Variants in CNTN1 observed in about 807,000 individuals in gnomAD.
The protein encoded by CNTN1 is contactin-1.
A neutral mutation model predicts 126.4 loss-of-function variants in CNTN1; 38 were observed. That is an observed-to-expected ratio of 0.30 (90% CI 0.23 to 0.39). The LOEUF (loss-of-function observed/expected upper bound fraction) is 0.39. Ranked by LOEUF, CNTN1 falls within the 10% of genes least tolerant of loss-of-function variation. The pLI is 1.00. For missense variants in CNTN1, 1,009 were observed against 1,248.4 expected (o/e 0.81, Z 2.89); for synonymous variants, 413 against 422.6 (o/e 0.98, Z 0.28).
At chr12:40,797,154 G>A (rs149930660) in intron 1 of CNTN1, among the ~76,000 whole-genome samples, 229 of 152,128 alleles carry the variant, frequency 1.5e-3, no homozygotes, top group Non-Finnish European at 2.6e-3. Flanking sequence ...AGAGATATGA[G>A]GGTAAGTGAG....
intron 1 of CNTN1, among the ~76,000 whole-genome samples, chr12:40,770,968 T>G (rs1210051412): frequency 6.6e-6 from 1 of 152,136 alleles, no homozygotes. Context: ...TGTTTCAATT[T>G]TAATTCATTG....
chr12:40,918,848 G>C (rs943483287), intron 4 of CNTN1, 77 bp downstream of exon 4: 1 of 1,544,488 alleles, frequency 6.5e-7, no homozygotes, highest in Non-Finnish European at 8.9e-7. Context: ...AACTTGTACA[G>C]ATGTAATATA....
In CNTN1 at chr12:40,959,237, AAG is replaced by A; in HGVS notation, c.1804+6_1804+7del. 2.5e-6 allele frequency: 4 copies of A among 1,612,276 alleles called. No homozygotes were observed. The South Asian group carries it at 4.4e-5, about 18-fold the overall frequency. On this transcript the variant is annotated splice_donor_5th_base_variant and intron_variant, in intron 15 of 23. Coordinates refer to ENST00000551295, the MANE Select transcript of CNTN1 (RefSeq NM_001843.4). ...TTCAGCTGACCTTGTAGTGAGAGGT[AAG>A]AGTTTCAACATTTTAAAATTACAAA...
chr12:40,947,782 T>TATACACAC (rs869205213), intron 14 of CNTN1, among the ~76,000 whole-genome samples: 14 of 118,914 alleles, frequency 1.2e-4, no homozygotes, highest in East Asian at 4.6e-4. Context: ...TATATATATA[T>TATACACAC]ACACACACAC....
intron 1 of CNTN1, among the ~76,000 whole-genome samples, chr12:40,853,773 C>G (rs1264227938): frequency 6.6e-6 from 1 of 151,800 alleles, no homozygotes; most frequent in Non-Finnish European, 1.5e-5. Context: ...AGCTCCCTCT[C>G]TAGCTCTATC....
chr12:41,000,478 A>G (rs1280161226), intron 17 of CNTN1, among the ~76,000 whole-genome samples: 1 of 152,144 alleles, frequency 6.6e-6, no homozygotes, highest in Non-Finnish European at 1.5e-5. Flanking sequence ...AATATATATT[A>G]TATCTAAAGT....
chr12:40,922,893 C>T (rs538721406), intron 5 of CNTN1, among the ~76,000 whole-genome samples: 12 of 149,264 alleles, frequency 8.0e-5, no homozygotes, highest in African/African-American at 3.0e-4. Flanking sequence ...ATTGATGGAA[C>T]CTGGGAGGCG....
At chr12:40,804,303 G>A (rs1940763410) in intron 1 of CNTN1, among the ~76,000 whole-genome samples, 2 of 151,976 alleles carry the variant, frequency 1.3e-5, no homozygotes, top group East Asian at 3.9e-4. Context: ...AACAAATGTT[G>A]ACAAGATATG....
intron 23 of CNTN1, among the ~76,000 whole-genome samples, chr12:41,051,808 G>T (rs1040690322): frequency 2.0e-5 from 3 of 151,660 alleles, no homozygotes; most frequent in African/African-American, 7.3e-5. Context: ...TGGAGAAGAT[G>T]AGATCTTGTA....
intron 16 of CNTN1, among the ~76,000 whole-genome samples, chr12:40,989,204 GAGA>G (rs1366066119): frequency 6.6e-6 from 1 of 152,278 alleles, no homozygotes; most frequent in Non-Finnish European, 1.5e-5. Flanking sequence ...AAAGAAGAAA[GAGA>G]AGAAGAGAAA....
At chr12:40,848,773 T>G (rs1447375205) in intron 1 of CNTN1, among the ~76,000 whole-genome samples, 2 of 151,770 alleles carry the variant, frequency 1.3e-5, no homozygotes, top group Non-Finnish European at 2.9e-5. Context: ...CTGTACTGAG[T>G]TATACATGAT....
Position 41,071,858 on chromosome 12 carries a change from G to A in CNTN1, c.*1823G>A, listed in dbSNP as rs536928037. ...TGTGTTTTCATTGTTACACTTTGGG[G>A]TTTTACTTTTGCAATGTGACCCATG... On this transcript the variant is annotated 3_prime_UTR_variant, in exon 24 of 24. Transcript: ENST00000551295. 2 of 152,196 alleles carry A rather than the reference G, an allele frequency of 1.3e-5. No individual in the cohort carries two copies. The highest frequency in any genetic ancestry group is 4.1e-4 in the South Asian group (2 of 4,832). The allele number at this position is 152,196 out of a possible 1,614,324, so 9.4% of individuals were successfully genotyped here. A position where few individuals can be genotyped will look rare whatever the true frequency, so the allele number is the denominator to read the frequency against.
intron 1 of CNTN1, among the ~76,000 whole-genome samples, chr12:40,735,834 G>T (rs1937651471): frequency 6.6e-6 from 1 of 152,022 alleles, no homozygotes; most frequent in Non-Finnish European, 1.5e-5. Flanking sequence ...AAAATCTACA[G>T]TCCTCGGTTT....
At chr12:40,725,425 GAAAGAAAAAA>G (rs1236116488) in intron 1 of CNTN1, among the ~76,000 whole-genome samples, 3 of 42,844 alleles carry the variant, frequency 7.0e-5, no homozygotes, top group South Asian at 1.5e-3. Context: ...AAAAAAAAAG[GAAAGAAAAAA>G]AAAGAAAATT....
At chr12:40,975,981 A>C (rs1279429373) in intron 15 of CNTN1, among the ~76,000 whole-genome samples, 1 of 152,174 alleles carries the variant, frequency 6.6e-6, no homozygotes, top group Admixed American at 6.6e-5. Flanking sequence ...GTATTTCAAA[A>C]ACTCGAGAGC....
At chr12:40,947,110 G>A (rs10879397) in intron 14 of CNTN1, among the ~76,000 whole-genome samples, 39,565 of 151,762 alleles carry the variant, frequency 0.26, 5,651 homozygotes, top group Middle Eastern at 0.35. Flanking sequence ...GTAAAACTTT[G>A]GGATTAATTT....
intron 1 of CNTN1, among the ~76,000 whole-genome samples, chr12:40,846,399 C>T (rs1202575167): frequency 6.6e-6 from 1 of 152,116 alleles, no homozygotes; most frequent in Non-Finnish European, 1.5e-5. Context: ...ATCCCGGGGG[C>T]GGAGCCTGCA....
chr12:40,847,272 T>A (rs1490790617), intron 1 of CNTN1, among the ~76,000 whole-genome samples: 2 of 152,204 alleles, frequency 1.3e-5, no homozygotes, highest in Non-Finnish European at 2.9e-5. Flanking sequence ...TAAAAAAGAC[T>A]GCATTTACCT....
chr12:40,890,056 T>C (rs905367116), intron 1 of CNTN1, among the ~76,000 whole-genome samples: 2 of 152,174 alleles, frequency 1.3e-5, no homozygotes, highest in African/African-American at 4.8e-5. Context: ...GAAATACAGA[T>C]ACATGAGTGG....
Sources: gnomAD v4.1 joint callset for allele counts (sites outside exome capture counted in the v4.1 genomes callset) on GRCh38, gnomAD v4.1.1 for gene constraint, MANE v1.5 for transcripts, NCBI Gene and HGNC (gene_info 2026-07-23, HGNC 2026-07-21) for gene names.